Variants in SLC13A2 observed in about 807,000 individuals in gnomAD.
SLC13A2 encodes the protein Na(+)-coupled citrate transporter.
SLC13A2 carries 40 observed loss-of-function variants against 58.5 expected under a neutral mutation model. The observed-to-expected ratio is 0.68, with a 90% confidence interval of 0.53 to 0.89. SLC13A2 has a LOEUF of 0.89. Among genes scored for constraint, SLC13A2 ranks in the 40% least tolerant of loss-of-function variants. The pLI is 0.00. For missense variants in SLC13A2, 694 were observed against 772.6 expected, an observed-to-expected ratio of 0.90 and a Z score of 1.21; for synonymous variants, 341 against 331.6, an observed-to-expected ratio of 1.03 and a Z score of -0.31.
chr17:28,482,779 T>G (rs62065358), intron 1 of SLC13A2, among the ~76,000 whole-genome samples: 23,997 of 152,168 alleles, frequency 0.16, 2,144 homozygotes, highest in East Asian at 0.3. Flanking sequence ...GCCCACTAAC[T>G]GAACTCCTAC....
At chr17:28,475,048 C>T (rs1179566734) in intron 1 of SLC13A2, among the ~76,000 whole-genome samples, 1 of 152,166 alleles carries the variant, frequency 6.6e-6, no homozygotes, top group Non-Finnish European at 1.5e-5. Context: ...AGGCCAAAGC[C>T]GGTGGCATCT....
At chr17:28,488,310 G>A (rs1990288) in intron 1 of SLC13A2, among the ~76,000 whole-genome samples, 37,219 of 152,022 alleles carry the variant, frequency 0.24, 4,922 homozygotes, top group African/African-American at 0.33. Context: ...CAGCCCCATT[G>A]TCCAACAAAC....
At position 28,477,444 on chromosome 17, in the gene SLC13A2, T is replaced by C. The variant is rs1201382275; in HGVS notation, c.102+3630T>C. On this transcript the variant is annotated intron_variant, in intron 1 of 11. Coordinates refer to ENST00000314669, the MANE Select transcript of SLC13A2 (RefSeq NM_003984.4). ...CTCCTGACCTCGTGATCCGCCCGCCTTGGCCTCCCAAAGTGCTGGGATTAC... is the reference window on the plus strand; with the variant it reads ...CTCCTGACCTCGTGATCCGCCCGCCCTGGCCTCCCAAAGTGCTGGGATTAC... Among the ~76,000 whole-genome samples the C allele has an allele frequency of 3.9e-5, 6 of 151,964 alleles. No individual in the cohort carries two copies. In the South Asian group the frequency reaches 1.0e-3, roughly 26 times the overall value.
intron 6 of SLC13A2, among the ~76,000 whole-genome samples, chr17:28,493,101 A>G (rs111393712): frequency 2.6e-5 from 4 of 152,286 alleles, no homozygotes; most frequent in African/African-American, 9.6e-5. Context: ...TTAAATGTCA[A>G]CACAAGTTAA....
In SLC13A2 at chr17:28,491,576, T is replaced by C. The variant is rs375660512; in HGVS notation, c.714T>C (p.Thr238=). ...GCATCGGGGGCATCGCCACGCTGAC[T>C]GGCACCGCACCCAACCTGGTGCTGC... ...SASIGGIATL[T]GTAPNLVLQG... is the part of the protein sequence containing the mutation. The change falls in exon 5 of 12, where the codon ACT becomes ACC. Residue 238 remains threonine (T), a synonymous_variant. Transcript: ENST00000314669. 5 of 1,613,588 alleles carry C rather than the reference T, an allele frequency of 3.1e-6. No individual in the cohort carries two copies. Among genetic ancestry groups the C allele is most frequent in the Non-Finnish European group, 4.2e-6 (5 of 1,180,022 alleles).
At chr17:28,479,450 A>T (rs2068745709) in intron 1 of SLC13A2, among the ~76,000 whole-genome samples, 1 of 152,104 alleles carries the variant, frequency 6.6e-6, no homozygotes, top group Non-Finnish European at 1.5e-5. Context: ...ACAAGGCTAC[A>T]GGGAGGAGTA....
chr17:28,496,389 C>T lies in SLC13A2; in HGVS notation c.1471-61C>T. On this transcript the variant is annotated intron_variant, in intron 10 of 11. Transcript: ENST00000314669. This position sits in a 1 kb window ranked among gnomAD's most constrained non-coding sequence, Gnocchi z 4.2. ...CCAGAGAAGCAGGAGAATTGGGGGC[C>T]ATGCCCCTCCCTCTGGCTTGGGGAC... 6.5e-7 allele frequency: 1 copy of T among 1,535,582 alleles called. No individual in the cohort carries two copies. The highest frequency in any genetic ancestry group is 8.8e-7 in the Non-Finnish European group (1 of 1,137,468).
At chr17:28,487,011 T>C (rs1555602098) in intron 1 of SLC13A2, among the ~76,000 whole-genome samples, 1 of 152,192 alleles carries the variant, frequency 6.6e-6, no homozygotes, top group Non-Finnish European at 1.5e-5. Context: ...TTGCCCAGGC[T>C]GGTCTCAAAC....
Position 28,477,233 on chromosome 17 carries a change from A to G in SLC13A2, c.102+3419A>G, listed in dbSNP as rs373521573. On this transcript the variant is annotated intron_variant, in intron 1 of 11. Transcript: ENST00000314669. ...TTTTGAGACTGAGTCTCACTCTGTC[A>G]CCCAGGCTGGAGTGCAGTGGCACAA... 9.3e-4 allele frequency among the ~76,000 whole-genome samples: 118 copies of G among 127,390 alleles called. 2 individuals carry two copies. The highest frequency in any genetic ancestry group is 3.1e-3 in the African/African-American group (101 of 32,314). The allele number at this position is 127,390 out of a possible 152,430, so 83.6% of individuals were successfully genotyped here.
At chr17:28,491,042 A>G in intron 4 of SLC13A2, 136 bp downstream of exon 4, 1 of 922,390 alleles carries the variant, frequency 1.1e-6, no homozygotes, top group Non-Finnish European at 1.6e-6. Context: ...ACAGTGACCA[A>G]TTTGTTTTTC....
At chr17:28,480,046 C>G (rs144842794) in intron 1 of SLC13A2, among the ~76,000 whole-genome samples, 1 of 151,288 alleles carries the variant, frequency 6.6e-6, no homozygotes, top group African/African-American at 2.4e-5. Context: ...CCCAGCTACT[C>G]GGGAGGCTGA....
intron 3 of SLC13A2, 47 bp from the exon 4 acceptor site, chr17:28,490,654 C>T (rs1555603121): frequency 6.3e-7 from 1 of 1,592,702 alleles, no homozygotes; most frequent in Admixed American, 1.7e-5. Context: ...GCACCCAGTC[C>T]CTGAAGGGAA....
At chr17:28,489,188 C>T (rs2068949947) in intron 1 of SLC13A2, 26 bp from the exon 2 acceptor site, 1 of 1,610,388 alleles carries the variant, frequency 6.2e-7, no homozygotes, top group Non-Finnish European at 8.5e-7. Context: ...CCTCTGACAG[C>T]TCTGCCGCTT....
At chr17:28,488,932 C>T (rs1465771127) in intron 1 of SLC13A2, among the ~76,000 whole-genome samples, 4 of 152,258 alleles carry the variant, frequency 2.6e-5, no homozygotes, top group African/African-American at 9.6e-5. Context: ...TGCAATCCCA[C>T]TGGGCTGGAT....
rs1003969093 is a variant in SLC13A2, at chr17:28,494,339, G to A, written c.1187-52G>A. 2 of 1,613,920 alleles carry A rather than the reference G, an allele frequency of 1.2e-6. No individual in the cohort carries two copies. The highest frequency in any genetic ancestry group is 1.7e-6 in the Non-Finnish European group (2 of 1,180,020). On this transcript the variant is annotated intron_variant, in intron 8 of 11. Coordinates refer to ENST00000314669, the MANE Select transcript of SLC13A2 (RefSeq NM_003984.4). This position sits in a 1 kb window ranked among gnomAD's most constrained non-coding sequence, Gnocchi z 4.0. ...CACAGGGAGCCCGCAAATGGAGAGG[G>A]GAAAGGCCTGTTTGTTCTTTGGTGA...
chr17:28,476,834 C>T (rs2068680403), intron 1 of SLC13A2, among the ~76,000 whole-genome samples: 1 of 152,132 alleles, frequency 6.6e-6, no homozygotes, highest in South Asian at 2.1e-4. Flanking sequence ...GCAGAATCCC[C>T]AGTGCCTGGC....
chr17:28,475,696 C>T (rs555603817), intron 1 of SLC13A2, among the ~76,000 whole-genome samples: 2 of 152,276 alleles, frequency 1.3e-5, no homozygotes, highest in South Asian at 2.1e-4. Flanking sequence ...CTCAGTCCCT[C>T]GGCAGCATTT....
intron 1 of SLC13A2, 75 bp downstream of exon 1, chr17:28,473,889 C>G: frequency 7.9e-7 from 1 of 1,263,078 alleles, no homozygotes; most frequent in East Asian, 2.5e-5. Flanking sequence ...GGTTGGGCAT[C>G]CTTAGGATCC....
chr17:28,475,163 C>T (rs1251576314), intron 1 of SLC13A2, among the ~76,000 whole-genome samples: 4 of 152,228 alleles, frequency 2.6e-5, no homozygotes, highest in African/African-American at 4.8e-5. Context: ...CAATTCCCCT[C>T]GACCTGGGGA....
Sources: allele counts gnomAD v4.1 joint callset (sites outside exome capture counted in the v4.1 genomes callset), GRCh38; gene constraint gnomAD v4.1.1; non-coding constraint Gnocchi (gnomAD v3.1); transcripts MANE v1.5; gene names NCBI Gene and HGNC (gene_info 2026-07-23, HGNC 2026-07-21).